The following PHACTR1 variants were observed in gnomAD, a reference collection of about 807,000 sequenced individuals.
The protein encoded by PHACTR1 is phosphatase and actin regulator 1.
Under a neutral mutation model 69.2 loss-of-function variants are expected in PHACTR1, and 16 were observed. The observed-to-expected ratio is 0.23, with a 90% CI of 0.16 to 0.35. The LOEUF is 0.35. Ranked by LOEUF, PHACTR1 falls within the 10% of genes least tolerant of loss-of-function variation. The probability of loss-of-function intolerance (pLI) is 1.00; values close to 1 mark genes in which losing one functional copy is unlikely to be tolerated. For missense variants in PHACTR1, 510 were observed against 734.7 expected (o/e 0.69, Z 3.54); for synonymous variants, 312 against 284.5 (o/e 1.10, Z -0.97).
chr6:12,901,856 C>G (rs1327053525), intron 4 of PHACTR1, among the ~76,000 whole-genome samples: 1 of 152,158 alleles, frequency 6.6e-6, no homozygotes, highest in Non-Finnish European at 1.5e-5. Context: ...GAATCAACCA[C>G]CTTAGACAGC....
At chr6:13,074,848 A>AG (rs1210121186) in intron 5 of PHACTR1, among the ~76,000 whole-genome samples, 3 of 152,230 alleles carry the variant, frequency 2.0e-5, no homozygotes, top group Non-Finnish European at 4.4e-5. Flanking sequence ...GAGGACTTTA[A>AG]GATACACAGT....
intron 4 of PHACTR1, among the ~76,000 whole-genome samples, chr6:12,973,750 C>A (rs957033107): frequency 6.6e-6 from 1 of 152,058 alleles, no homozygotes; most frequent in Non-Finnish European, 1.5e-5. Flanking sequence ...CATGAGACAG[C>A]CTTGACTGTT....
chr6:13,028,843 A>G (rs1447205954), intron 4 of PHACTR1, among the ~76,000 whole-genome samples: 1 of 152,178 alleles, frequency 6.6e-6, no homozygotes, highest in African/African-American at 2.4e-5. Context: ...GAGTTCACCA[A>G]AGCAAGAGTT....
chr6:13,038,295 A>C (rs1371559138), intron 4 of PHACTR1, among the ~76,000 whole-genome samples: 2 of 152,094 alleles, frequency 1.3e-5, no homozygotes, highest in African/African-American at 4.8e-5. Context: ...TGGAAATATA[A>C]ATTTAAAAAT....
intron 5 of PHACTR1, among the ~76,000 whole-genome samples, chr6:13,102,274 GA>G (rs901648418): frequency 6.6e-6 from 1 of 152,156 alleles, no homozygotes; most frequent in African/African-American, 2.4e-5. Flanking sequence ...CTAATCATCA[GA>G]ATTCAACATT....
chr6:13,145,699 A>G (rs560338818), intron 5 of PHACTR1, among the ~76,000 whole-genome samples: 17 of 152,294 alleles, frequency 1.1e-4, no homozygotes, highest in Non-Finnish European at 1.9e-4. Flanking sequence ...CACACGAACC[A>G]AGGAAAGGCC....
intron 5 of PHACTR1, among the ~76,000 whole-genome samples, chr6:13,055,009 G>T (rs971366709): frequency 6.6e-6 from 1 of 152,042 alleles, no homozygotes; most frequent in South Asian, 2.1e-4. Flanking sequence ...TGTGCTTCTT[G>T]TACCTGAATA....
intron 8 of PHACTR1, among the ~76,000 whole-genome samples, chr6:13,212,233 C>T (rs775590088): frequency 6.6e-5 from 10 of 152,168 alleles, no homozygotes; most frequent in Non-Finnish European, 1.5e-4. Context: ...GGACTTAGGA[C>T]TTCAACATAT....
intron 5 of PHACTR1, among the ~76,000 whole-genome samples, chr6:13,159,941 G>GA (rs949970072): frequency 8.8e-5 from 13 of 147,266 alleles, no homozygotes; most frequent in African/African-American, 1.7e-4. Flanking sequence ...CTCTGTCTCA[G>GA]AAAAAAAAAA....
chr6:12,757,336 G>A (rs886965365), intron 4 of PHACTR1, among the ~76,000 whole-genome samples: 1 of 152,118 alleles, frequency 6.6e-6, no homozygotes, highest in Non-Finnish European at 1.5e-5. Context: ...GAAGGGAGAC[G>A]AAGAGGGGGA....
intron 4 of PHACTR1, among the ~76,000 whole-genome samples, chr6:12,772,340 C>T (rs1351181321): frequency 1.3e-5 from 2 of 152,110 alleles, no homozygotes; most frequent in Non-Finnish European, 2.9e-5. Flanking sequence ...ATGTGTGCAC[C>T]AATTCCAAAT....
Position 13,179,456 on chromosome 6 carries a change from C to A in PHACTR1, c.497-3063C>A, listed in dbSNP as rs1761878686. 8.1e-6 allele frequency among the ~76,000 whole-genome samples: 1 copy of A among 123,264 alleles called. No homozygotes were observed. Among genetic ancestry groups the A allele is most frequent in the African/African-American group, 3.0e-5 (1 of 33,116 alleles). The allele number at this position is 123,264 out of a possible 152,430, so 80.9% of individuals were successfully genotyped here. On this transcript the variant is annotated intron_variant, in intron 6 of 14. Transcript: ENST00000332995. The surrounding 1 kb of genome is among the most constrained non-coding windows in gnomAD (Gnocchi z 4.2). ...TGTGTGTGTGTGTGTTTAAAAATGTCATAATAAAAAATTTAAAATATTACT... is the reference window on the plus strand; with the variant it reads ...TGTGTGTGTGTGTGTTTAAAAATGTAATAATAAAAAATTTAAAATATTACT...
rs58634105 is a variant in PHACTR1, at chr6:13,188,093, A to G, written c.664+5407A>G. On this transcript the variant is annotated intron_variant, in intron 7 of 14. Coordinates refer to ENST00000332995, the MANE Select transcript of PHACTR1 (RefSeq NM_030948.6). Reference sequence around the variant, plus strand: ...CTTTCCTGAGAGAGTAGACTCTGTTATCTATATGCCTCACCTCTATACAGC... The same window carrying G: ...CTTTCCTGAGAGAGTAGACTCTGTTGTCTATATGCCTCACCTCTATACAGC... 1.5e-3 allele frequency among the ~76,000 whole-genome samples: 234 copies of G among 152,268 alleles called. 2 individuals are homozygous for G. The highest frequency in any genetic ancestry group is 5.1e-3 in the African/African-American group (211 of 41,544).
chr6:13,090,828 G>A (rs1205117199), intron 5 of PHACTR1, among the ~76,000 whole-genome samples: 1 of 152,018 alleles, frequency 6.6e-6, no homozygotes, highest in Non-Finnish European at 1.5e-5. Context: ...TTTGTTGTTT[G>A]GAAGACAACA....
At chr6:13,230,494 C>T (rs1161286088) in intron 10 of PHACTR1, 5 of 348,392 alleles carry the variant, frequency 1.4e-5, no homozygotes, top group South Asian at 7.3e-5. Flanking sequence ...TCCAGTGAGC[C>T]GAGATCACAC....
At chr6:12,813,409 C>A (rs1040153745) in intron 4 of PHACTR1, among the ~76,000 whole-genome samples, 3 of 152,134 alleles carry the variant, frequency 2.0e-5, no homozygotes, top group Non-Finnish European at 1.5e-5. Flanking sequence ...CTAGGCTGAG[C>A]GGGCAGAGCT....
chr6:13,036,834 A>G (rs1198429566), intron 4 of PHACTR1, among the ~76,000 whole-genome samples: 1 of 152,238 alleles, frequency 6.6e-6, no homozygotes. Flanking sequence ...AACCATGAAT[A>G]TTCCAGGAGA....
At chr6:12,985,541 A>AAAAATAT (rs1179784179) in intron 4 of PHACTR1, among the ~76,000 whole-genome samples, 120 of 132,748 alleles carry the variant, frequency 9.0e-4, no homozygotes, top group African/African-American at 3.4e-3. Flanking sequence ...AAAAAAAAAA[A>AAAAATAT]ATATATATAT....
chr6:13,206,378 T>A (rs1423966193), intron 8 of PHACTR1, among the ~76,000 whole-genome samples: 1 of 152,232 alleles, frequency 6.6e-6, no homozygotes, highest in African/African-American at 2.4e-5. Context: ...CATGTATATA[T>A]GTATATGCTT....
Sources: allele counts gnomAD v4.1 joint callset (sites outside exome capture counted in the v4.1 genomes callset), GRCh38; gene constraint gnomAD v4.1.1; non-coding constraint Gnocchi (gnomAD v3.1); transcripts MANE v1.5; gene names NCBI Gene and HGNC (gene_info 2026-07-23, HGNC 2026-07-21).